Variants in C13orf46 observed in about 807,000 individuals in gnomAD.
C13orf46 encodes the protein uncharacterized protein C13orf46.
chr13:113,971,538 G>C (rs960902530), intron 1 of C13orf46, among the ~76,000 whole-genome samples: 2 of 152,230 alleles, frequency 1.3e-5, no homozygotes, highest in African/African-American at 4.8e-5. Context: ...GATTCTCACT[G>C]TGCTCTTGCC....
At chr13:113,941,637 G>T in the C13orf46 span, among the ~76,000 whole-genome samples, 1 of 152,218 alleles carries the variant, frequency 6.6e-6, no homozygotes, top group Admixed American at 6.5e-5. Flanking sequence ...TCGTTTCCCA[G>T]GCTGGGCTGC....
chr13:113,945,999 C>T, the C13orf46 span, among the ~76,000 whole-genome samples: 3,013 of 117,320 alleles, frequency 0.026, 318 homozygotes, highest in Middle Eastern at 0.061. Flanking sequence ...TCCAGTTCAC[C>T]GCACTGTGGG....
At chr13:113,934,218 A>G in the C13orf46 span, among the ~76,000 whole-genome samples, 3 of 152,226 alleles carry the variant, frequency 2.0e-5, no homozygotes, top group Admixed American at 6.5e-5. Context: ...AGGCACCACG[A>G]TGCGTCGGAC....
intron 1 of C13orf46, among the ~76,000 whole-genome samples, chr13:113,972,467 C>T (rs117340591): frequency 0.023 from 3,545 of 152,318 alleles, 71 homozygotes; most frequent in Middle Eastern, 0.041. Context: ...GACACCTTTG[C>T]GAAGGGGAGG....
chr13:113,949,041 C>T (rs1328613768), downstream of C13orf46, among the ~76,000 whole-genome samples: 1 of 152,190 alleles, frequency 6.6e-6, no homozygotes, highest in African/African-American at 2.4e-5. Flanking sequence ...CCCCTCACCG[C>T]CCCCACTCCT....
chr13:113,936,239 T>A, the C13orf46 span, among the ~76,000 whole-genome samples: 1 of 152,164 alleles, frequency 6.6e-6, no homozygotes, highest in Non-Finnish European at 1.5e-5. Context: ...ATAGAGCCCA[T>A]TCATCCAGGC....
rs1321003358 is a variant in C13orf46 at position 113,966,303 on chromosome 13, GTGA to G, written c.504+1035_504+1037del. On this transcript the variant is annotated intron_variant, in intron 5 of 6. Coordinates refer to ENST00000636427, the MANE Select transcript of C13orf46 (RefSeq NM_001365455.2). ...GGTGATGATGGTCATGATAGTGATG[GTGA>G]TGATGATGCTGGTGATGGGAATGAT... 7.8e-3 allele frequency among the ~76,000 whole-genome samples: 1,151 copies of G among 148,302 alleles called. 9 individuals carry two copies. Among genetic ancestry groups the G allele is most frequent in the Admixed American group, 0.013 (200 of 14,952 alleles).
At chr13:113,962,461 G>C (rs1027855260) in intron 6 of C13orf46, among the ~76,000 whole-genome samples, 22 of 152,334 alleles carry the variant, frequency 1.4e-4, no homozygotes, top group Admixed American at 1.3e-3. Context: ...ACACGCAAGT[G>C]TGCACGTGAG....
the C13orf46 span, among the ~76,000 whole-genome samples, chr13:113,941,935 C>T: frequency 1.3e-5 from 2 of 152,228 alleles, no homozygotes; most frequent in African/African-American, 4.8e-5. Context: ...TCCTTGCCGG[C>T]GGCTGACTCA....
chr13:113,938,164 C>G, the C13orf46 span, among the ~76,000 whole-genome samples: 5 of 152,194 alleles, frequency 3.3e-5, no homozygotes, highest in African/African-American at 7.2e-5. Flanking sequence ...GCGGCCTCAA[C>G]TGAACGCCTC....
chr13:113,937,062 G>T, the C13orf46 span, among the ~76,000 whole-genome samples: 3 of 152,160 alleles, frequency 2.0e-5, no homozygotes, highest in African/African-American at 7.2e-5. Flanking sequence ...TATCATTTAA[G>T]CTATAAACTA....
At chr13:113,957,720 G>GT in intron 6 of C13orf46, among the ~76,000 whole-genome samples, 1 of 138,824 alleles carries the variant, frequency 7.2e-6, no homozygotes. Flanking sequence ...AAGCACACTG[G>GT]GGGTCTCCCC....
chr13:113,930,187 A>T, the C13orf46 span, among the ~76,000 whole-genome samples: 1 of 152,210 alleles, frequency 6.6e-6, no homozygotes, highest in Non-Finnish European at 1.5e-5. Context: ...CCTGGAGAGA[A>T]GCGCCATCTG....
chr13:113,966,702 A>C (rs2052653685), intron 5 of C13orf46, among the ~76,000 whole-genome samples: 1 of 151,674 alleles, frequency 6.6e-6, no homozygotes, highest in Admixed American at 6.6e-5. Context: ...GATGATGGTG[A>C]TAATGTTTAT....
chr13:113,927,770 C>T, the C13orf46 span: 1 of 396,364 alleles, frequency 2.5e-6, no homozygotes, highest in East Asian at 3.6e-5. Flanking sequence ...CAGACAGACT[C>T]CCACTCGGAG....
intron 4 of C13orf46, among the ~76,000 whole-genome samples, chr13:113,967,953 G>T (rs1396331993): frequency 6.6e-6 from 1 of 152,200 alleles, no homozygotes; most frequent in Non-Finnish European, 1.5e-5. Context: ...GAGCATTTGA[G>T]TCAACTCCAA....
intron 1 of C13orf46, among the ~76,000 whole-genome samples, chr13:113,973,385 T>A (rs1358213626): frequency 1.3e-5 from 2 of 152,170 alleles, no homozygotes; most frequent in Non-Finnish European, 1.5e-5. Context: ...GGGCTGCTCA[T>A]GAAAAACCGC....
chr13:113,937,860 G>A, the C13orf46 span, among the ~76,000 whole-genome samples: 1 of 152,226 alleles, frequency 6.6e-6, no homozygotes, highest in Non-Finnish European at 1.5e-5. Context: ...TCAGTGAAAT[G>A]AGGGCAGAGG....
chr13:113,944,660 G>A, the C13orf46 span, among the ~76,000 whole-genome samples: 1 of 129,638 alleles, frequency 7.7e-6, no homozygotes, highest in South Asian at 3.0e-4. Flanking sequence ...TCCTCCAGGT[G>A]TGTGATGGAT....
Sources: gnomAD v4.1 joint callset for allele counts (sites outside exome capture counted in the v4.1 genomes callset) on GRCh38, gnomAD v4.1.1 for gene constraint, MANE v1.5 for transcripts, NCBI Gene and HGNC (gene_info 2026-07-23, HGNC 2026-07-21) for gene names.